The following IKZF1 variants were observed in gnomAD, a reference collection of about 807,000 sequenced individuals.
The protein encoded by IKZF1 is IKAROS family zinc finger 1, also known as DNA-binding protein Ikaros.
IKZF1 carries 10 observed loss-of-function variants against 51.7 expected under a neutral mutation model. The observed-to-expected ratio is 0.19, with a 90% confidence interval of 0.12 to 0.33. The LOEUF (loss-of-function observed/expected upper bound fraction) is 0.33. Among genes scored for constraint, IKZF1 ranks in the 10% least tolerant of loss-of-function variants. The probability of loss-of-function intolerance (pLI) is 1.00; values close to 1 mark genes in which losing one functional copy is unlikely to be tolerated. For synonymous variants in IKZF1, 280 were observed against 282.3 expected (o/e 0.99, Z 0.08); for missense variants, 484 against 707.5 (o/e 0.68, Z 3.58).
chr7:50,389,980 A>G (rs1814563253), intron 6 of IKZF1, among the ~76,000 whole-genome samples: 1 of 152,260 alleles, frequency 6.6e-6, no homozygotes, highest in Non-Finnish European at 1.5e-5. Context: ...TAGGCAATAT[A>G]GGAAAAGATG....
chr7:50,303,926 G>A (rs559852963), upstream of IKZF1: 9 of 145,316 alleles, frequency 6.2e-5, no homozygotes, highest in South Asian at 1.5e-3. This position sits in a 1 kb window ranked among gnomAD's most constrained non-coding sequence, Gnocchi z 4.7. Flanking sequence ...GGCCGAGCCG[G>A]GCTGCCCGGC....
rs143399277 is a variant in IKZF1 at position 50,344,127 on chromosome 7, T to C, written c.160+16370T>C. Among the ~76,000 whole-genome samples the C allele has an allele frequency of 3.2e-4, 49 of 152,358 alleles. No individual in the cohort carries two copies. The East Asian group carries it at 6.6e-3, about 20-fold the overall frequency. ...GGGTTTAAGCTTCAGTTCTCTGCCT[T>C]ACCAGAATCGGGATGTGTGGGGCAG... On this transcript the variant is annotated intron_variant, in intron 3 of 7. Coordinates refer to ENST00000331340, the MANE Select transcript of IKZF1 (RefSeq NM_006060.6).
intron 1 of IKZF1, among the ~76,000 whole-genome samples, chr7:50,309,340 TA>T (rs964221343): frequency 5.9e-5 from 9 of 152,300 alleles, no homozygotes; most frequent in African/African-American, 2.2e-4. Context: ...AGCAATGCAG[TA>T]AAAAGAGGGG....
intron 3 of IKZF1, among the ~76,000 whole-genome samples, chr7:50,375,430 A>G (rs1025076920): frequency 6.6e-6 from 1 of 152,206 alleles, no homozygotes. Context: ...TTTACTTGGC[A>G]AAATTTACCT....
At chr7:50,316,789 A>C (rs984094892) in intron 1 of IKZF1, among the ~76,000 whole-genome samples, 1 of 152,260 alleles carries the variant, frequency 6.6e-6, no homozygotes, top group East Asian at 1.9e-4. Flanking sequence ...CTCAGCCCGC[A>C]TTCCACTGGA....
rs2153521143 is a variant in IKZF1, at chr7:50,401,949, T to C, written c.*1322T>C. On this transcript the variant is annotated 3_prime_UTR_variant, in exon 8 of 8. Transcript: ENST00000331340. Reference sequence around the variant, plus strand: ...TGGCTGGCTCTGCACCTGTAGGATATTGGAATGCACAGGGCAATTGAGGGA... The same window carrying C: ...TGGCTGGCTCTGCACCTGTAGGATACTGGAATGCACAGGGCAATTGAGGGA... 2 of 226,490 alleles carry C rather than the reference T, an allele frequency of 8.8e-6. No individual in the cohort carries two copies. The highest frequency in any genetic ancestry group is 1.3e-3 in the Middle Eastern group (1 of 742). The allele number at this position is 226,490 out of a possible 1,614,324, so 14.0% of individuals were successfully genotyped here.
rs1818287240 is a variant in IKZF1 at position 50,402,409 on chromosome 7, T to C, written c.*1782T>C. ...GATAATTAGCAGTATCCCTGGTGGC[T>C]ACCCAATAGACGCCAGTAGCACCCC... On this transcript the variant is annotated 3_prime_UTR_variant, in exon 8 of 8. Transcript: ENST00000331340. 2 of 230,860 alleles carry C rather than the reference T, an allele frequency of 8.7e-6. No individual in the cohort carries two copies. The highest frequency in any genetic ancestry group is 1.2e-4 in the East Asian group (2 of 16,378). 14.3% of individuals were successfully genotyped at this position (230,860 alleles called of 1,614,324 possible).
At chr7:50,309,440 G>T (rs1288723327) in intron 1 of IKZF1, among the ~76,000 whole-genome samples, 1 of 152,000 alleles carries the variant, frequency 6.6e-6, no homozygotes, top group African/African-American at 2.4e-5. Flanking sequence ...CATTTGCCTT[G>T]CCTTTCCTGT....
chr7:50,348,492 C>T (rs1800960655), intron 3 of IKZF1, among the ~76,000 whole-genome samples: 1 of 152,196 alleles, frequency 6.6e-6, no homozygotes, highest in Non-Finnish European at 1.5e-5. Flanking sequence ...CCTTAAGATG[C>T]TGCTTCCTTA....
chr7:50,375,041 G>T (rs1467014834), intron 3 of IKZF1, among the ~76,000 whole-genome samples: 1 of 151,848 alleles, frequency 6.6e-6, no homozygotes, highest in Non-Finnish European at 1.5e-5. Flanking sequence ...GAGCCTGAGA[G>T]TCTGTGCTTC....
In IKZF1 at chr7:50,354,479, G is replaced by A. The variant is rs533038763; in HGVS notation, c.161-22054G>A. The stretch of plus-strand genomic sequence containing the variant: ...TGGGGCGAGGGCTCTGGGTGCCCCC[G>A]TTATTGAACACAGGCCTGAAGGGAG... On this transcript the variant is annotated intron_variant, in intron 3 of 7. Transcript: ENST00000331340. Among the ~76,000 whole-genome samples, 26 of 152,334 alleles carry A rather than the reference G, an allele frequency of 1.7e-4. No homozygotes were observed. The South Asian group carries it at 4.1e-3, about 24-fold the overall frequency.
At chr7:50,311,237 G>A (rs1002300846) in intron 1 of IKZF1, among the ~76,000 whole-genome samples, 2 of 152,158 alleles carry the variant, frequency 1.3e-5, no homozygotes, top group Non-Finnish European at 2.9e-5. Context: ...ACCCATTATT[G>A]TATATAGGTC....
At chr7:50,367,735 T>C (rs1807383690) in intron 3 of IKZF1, 2 of 404,156 alleles carry the variant, frequency 4.9e-6, no homozygotes, top group Non-Finnish European at 9.0e-6. Context: ...GGCTGCACCC[T>C]CTAAGATGTT....
At position 50,367,886 on chromosome 7, in the gene IKZF1, A is replaced by G. The variant is rs1584822059; in HGVS notation, c.161-8647A>G. ...CCAGCAATAGCAGATGAGTAGCTGA[A>G]CAGTGGTTTTGAGTAATAAAACGTT... On this transcript the variant is annotated intron_variant, in intron 3 of 7. Transcript: ENST00000331340. 1.7e-5 allele frequency: 10 copies of G among 605,404 alleles called. No individual in the cohort carries two copies. In the East Asian group the frequency reaches 2.5e-4, roughly 15 times the overall value. 37.5% of individuals were successfully genotyped at this position (605,404 alleles called of 1,614,324 possible).
At chr7:50,370,164 C>T (rs1808234315) in intron 3 of IKZF1, among the ~76,000 whole-genome samples, 1 of 152,148 alleles carries the variant, frequency 6.6e-6, no homozygotes, top group African/African-American at 2.4e-5. Context: ...GCATTTCAAG[C>T]TTACATGGCC....
chr7:50,365,805 C>T (rs1301983368), intron 3 of IKZF1, among the ~76,000 whole-genome samples: 1 of 152,174 alleles, frequency 6.6e-6, no homozygotes, highest in Non-Finnish European at 1.5e-5. Flanking sequence ...AGTCATTCTA[C>T]CGTAAGACAC....
chr7:50,399,883 G>A (rs2153517371), intron 7 of IKZF1, 35 bp from the exon 8 acceptor site: 1 of 1,582,534 alleles, frequency 6.3e-7, no homozygotes, highest in Non-Finnish European at 8.6e-7. Flanking sequence ...TCCGGAGGTG[G>A]CCGCGCCCCA....
chr7:50,338,022 T>G (rs1798185668), intron 3 of IKZF1, among the ~76,000 whole-genome samples: 1 of 152,170 alleles, frequency 6.6e-6, no homozygotes, highest in Non-Finnish European at 1.5e-5. Flanking sequence ...AGGGCAATCT[T>G]TGGCAGATTT....
At chr7:50,361,746 C>T (rs1021289093) in intron 3 of IKZF1, among the ~76,000 whole-genome samples, 5 of 152,004 alleles carry the variant, frequency 3.3e-5, no homozygotes, top group Admixed American at 1.3e-4. Flanking sequence ...CATGGTGGTG[C>T]GCGCCTGTAG....
Sources: allele counts gnomAD v4.1 joint callset (sites outside exome capture counted in the v4.1 genomes callset), GRCh38; gene constraint gnomAD v4.1.1; non-coding constraint Gnocchi (gnomAD v3.1); transcripts MANE v1.5; gene names NCBI Gene and HGNC (gene_info 2026-07-23, HGNC 2026-07-21).